The following GBP4 variants were observed in gnomAD, a reference collection of about 807,000 sequenced individuals.
GBP4 encodes guanylate-binding protein 4.
A neutral mutation model predicts 62.2 loss-of-function variants in GBP4; 69 were observed. The observed-to-expected ratio is 1.11, with a 90% confidence interval of 0.91 to 1.36. The LOEUF (loss-of-function observed/expected upper bound fraction) is 1.36. Ranked by LOEUF, GBP4 falls within the 40% of genes most tolerant of loss-of-function variation. The probability of loss-of-function intolerance (pLI) is 0.00; values close to 1 mark genes in which losing one functional copy is unlikely to be tolerated. For missense variants in GBP4, 697 were observed against 759.3 expected (o/e 0.92, Z 0.96); for synonymous variants, 278 against 274.6 (o/e 1.01, Z -0.12).
chr1:89,186,175 G>A (rs1050670393), intron 10 of GBP4, among the ~76,000 whole-genome samples, 158 bp downstream of exon 10: 3 of 152,114 alleles, frequency 2.0e-5, no homozygotes, highest in African/African-American at 7.2e-5. Flanking sequence ...TAGACTTTCG[G>A]GCTTCAGTAG....
At chr1:89,188,882 G>A in intron 7 of GBP4, 88 bp from the exon 8 acceptor site, 3 of 1,352,486 alleles carry the variant, frequency 2.2e-6, no homozygotes, top group Non-Finnish European at 3.2e-6. Flanking sequence ...GTAGTCTGAA[G>A]GCCTCAGAGT....
intron 1 of GBP4, among the ~76,000 whole-genome samples, chr1:89,198,208 C>A (rs904269639): frequency 5.3e-5 from 8 of 152,106 alleles, no homozygotes; most frequent in African/African-American, 1.9e-4. Flanking sequence ...GTGCTGTTAA[C>A]CGGGCGAATT....
In GBP4 at chr1:89,197,311, C is replaced by T. The variant is rs186946544; in HGVS notation, c.41-7G>A. 37 of 1,608,414 alleles carry T rather than the reference C, an allele frequency of 2.3e-5. No individual in the cohort carries two copies. The East Asian group carries it at 6.5e-4, about 28-fold the overall frequency. The stretch of plus-strand genomic sequence containing the variant: ...GATTCAGATTCTGGATAACCTGTAA[C>T]CCAGAAAAAAATACTCAGTAGAATA... On this transcript the variant is annotated splice_polypyrimidine_tract_variant and splice_region_variant and intron_variant, in intron 1 of 10. Coordinates refer to ENST00000355754, the MANE Select transcript of GBP4 (RefSeq NM_052941.5).
At position 89,181,686 on chromosome 1, in the gene GBP4, AAT is replaced by A. The variant is rs1228723219; in HGVS notation, c.*3566_*3567del. 1.3e-5 allele frequency: 2 copies of A among 152,184 alleles called. No homozygotes were observed. Among genetic ancestry groups the A allele is most frequent in the African/African-American group, 4.8e-5 (2 of 41,434 alleles). The allele number at this position is 152,184 out of a possible 1,614,324, so 9.4% of individuals were successfully genotyped here. A position where few individuals can be genotyped will look rare whatever the true frequency, so the allele number is the denominator to read the frequency against. ...TTCCAACAGATCACTCTCACTAGCC[AAT>A]ATGAGACACAGTCAGTTTCCCTAAC... On this transcript the variant is annotated 3_prime_UTR_variant, in exon 11 of 11. Coordinates refer to ENST00000355754, the MANE Select transcript of GBP4 (RefSeq NM_052941.5).
intron 5 of GBP4, among the ~76,000 whole-genome samples, chr1:89,192,550 A>C (rs1373261835): frequency 6.6e-6 from 1 of 152,220 alleles, no homozygotes; most frequent in Non-Finnish European, 1.5e-5. Context: ...ATTTCTCCAA[A>C]TAGAATAGGA....
rs961168136 is a variant in GBP4 at position 89,188,689 on chromosome 1, T to C, written c.1303A>G (p.Ser435Gly). ...LKRLSEHLTESILRGIFSVPG... is the reference protein window; with the variant it reads ...LKRLSEHLTEGILRGIFSVPG... ...ACAGAGAAAATTCCTCTCAAAATGC[T>C]TTCTGTCAGGTGCTCTGAAAGCCGC... Residue 435 changes from serine (S) to glycine (G), a missense_variant, in exon 8 of 11, where the codon AGC becomes GGC. Around this residue, in one of 2 missense-constraint regions of GBP4, gnomAD observed 556 missense variants for 562.7 expected, o/e 0.99. Transcript: ENST00000355754. 1.2e-6 allele frequency: 2 copies of C among 1,614,126 alleles called. No individual in the cohort carries two copies. Among genetic ancestry groups the C allele is most frequent in the Admixed American group, 3.3e-5 (2 of 60,012 alleles).
chr1:89,193,499 G>T (rs1648245372), intron 3 of GBP4, 87 bp from the exon 4 acceptor site: 1 of 1,173,142 alleles, frequency 8.5e-7, no homozygotes, highest in Non-Finnish European at 1.3e-6. Context: ...TATTTCAGCT[G>T]TATGATAGTT....
Position 89,190,181 on chromosome 1 carries a change from G to C in GBP4, c.1054C>G (p.Gln352Glu), listed in dbSNP as rs1238545147. Residue 352 changes from glutamine (Q) to glutamate (E), a missense_variant, in exon 7 of 11, where the codon CAG (glutamine) becomes GAG (glutamate). By Grantham distance (29) the Gln-to-Glu change is conservative. Transcript: ENST00000355754. ...VQRAADHYSQQMAQQLRLPTD... is the reference protein window; with the variant it reads ...VQRAADHYSQEMAQQLRLPTD... ...GGGAGCCTCAGTTGCTGGGCCATCT[G>C]CTGGCTATAGTGGTCGGCTGCCCTC... 6.2e-7 allele frequency: 1 copy of C among 1,614,052 alleles called. No individual in the cohort carries two copies. The highest frequency in any genetic ancestry group is 1.7e-5 in the Admixed American group (1 of 60,008).
chr1:89,186,951 A>C (rs756834313), intron 9 of GBP4, 49 bp downstream of exon 9: 2 of 1,524,678 alleles, frequency 1.3e-6, no homozygotes, highest in Admixed American at 1.7e-5. Context: ...GCAAGAAGGC[A>C]TTGCAGGAAA....
chr1:89,191,605 G>T, intron 5 of GBP4, 99 bp from the exon 6 acceptor site: 1 of 1,203,470 alleles, frequency 8.3e-7, no homozygotes, highest in Non-Finnish European at 1.2e-6. Flanking sequence ...CAGCTCCCCT[G>T]CCTTGTAAAT....
Position 89,195,707 on chromosome 1 carries a change from G to A in GBP4, c.236-283C>T, listed in dbSNP as rs189299619. On this transcript the variant is annotated intron_variant, in intron 2 of 10. Coordinates refer to ENST00000355754, the MANE Select transcript of GBP4 (RefSeq NM_052941.5). Reference sequence around the variant, plus strand: ...CATTAGGGGGAAGAAATGGCTGCATGGTCTTTCTTTAAAAACAGAAGCACC... The same window carrying A: ...CATTAGGGGGAAGAAATGGCTGCATAGTCTTTCTTTAAAAACAGAAGCACC... 7.2e-5 allele frequency among the ~76,000 whole-genome samples: 11 copies of A among 152,174 alleles called. No homozygotes were observed. In the East Asian group the frequency reaches 2.1e-3, roughly 29 times the overall value.
chr1:89,188,752 C>T lies in GBP4; in HGVS notation c.1240G>A (p.Glu414Lys). ...KKKGDFVLQN[E>K]EASAKYCQAE... ...TGGCAATATTTGGCAGATGCCTCTT[C>T]ATTCTGCAGCACAAAGTCTCCCTTC... The change falls in exon 8 of 11, where the codon GAA becomes AAA. Residue 414 changes from glutamate to lysine, a missense_variant. Glu to Lys is a moderately conservative substitution (Grantham distance 56). This residue lies in a region of GBP4 where 556 missense variants were observed against 562.7 expected (regional missense o/e 0.99). Transcript: ENST00000355754. 1 of 1,614,270 alleles carries T rather than the reference C, an allele frequency of 6.2e-7. No homozygotes were observed. Among genetic ancestry groups the T allele is most frequent in the Non-Finnish European group, 8.5e-7 (1 of 1,180,050 alleles).
At chr1:89,196,296 GA>G (rs1284255580) in intron 2 of GBP4, among the ~76,000 whole-genome samples, 1 of 152,146 alleles carries the variant, frequency 6.6e-6, no homozygotes, top group African/African-American at 2.4e-5. Flanking sequence ...TTGAGCAAAA[GA>G]AGCAAGACAT....
chr1:89,195,250 T>G (rs1299786393), intron 3 of GBP4, 47 bp downstream of exon 3: 2 of 1,597,548 alleles, frequency 1.3e-6, no homozygotes, highest in South Asian at 2.2e-5. Flanking sequence ...CTGAAAAAAT[T>G]AAAAGATGAG....
chr1:89,184,280 G>A lies in GBP4; in HGVS notation c.*974C>T, dbSNP rs1186987585. ...TTAGTTTAGCCACTGTGGAAAGCAGGTTGGTGATTCCTCAAAGAACTCAGA... is the reference window on the plus strand; with the variant it reads ...TTAGTTTAGCCACTGTGGAAAGCAGATTGGTGATTCCTCAAAGAACTCAGA... On this transcript the variant is annotated 3_prime_UTR_variant, in exon 11 of 11. Transcript: ENST00000355754. 1 of 152,120 alleles carries A rather than the reference G, an allele frequency of 6.6e-6. No individual in the cohort carries two copies. The highest frequency in any genetic ancestry group is 1.5e-5 in the Non-Finnish European group (1 of 68,016). The allele number at this position is 152,120 out of a possible 1,614,324, so 9.4% of individuals were successfully genotyped here.
intron 2 of GBP4, 132 bp downstream of exon 2, chr1:89,196,978 A>T: frequency 1.7e-6 from 1 of 601,398 alleles, no homozygotes; most frequent in Non-Finnish European, 2.8e-6. Context: ...TTGTAAATTT[A>T]GTGGTGAGAA....
At chr1:89,194,622 T>A (rs888521901) in intron 3 of GBP4, among the ~76,000 whole-genome samples, 5 of 152,150 alleles carry the variant, frequency 3.3e-5, no homozygotes, top group African/African-American at 1.2e-4. Context: ...AATGGACTGA[T>A]CGCACCTAAC....
Position 89,185,215 on chromosome 1 carries a change from A to T in GBP4, c.*39T>A. The T allele has an allele frequency of 6.0e-6, 7 of 1,165,358 alleles. No homozygotes were observed. The highest frequency in any genetic ancestry group is 7.7e-6 in the Non-Finnish European group (6 of 778,946). 72.2% of individuals were successfully genotyped at this position (1,165,358 alleles called of 1,614,324 possible). On this transcript the variant is annotated 3_prime_UTR_variant, in exon 11 of 11. Transcript: ENST00000355754. ...GTGTTATGTTATTAAAATAAAATAA[A>T]CCTCATTTTATATTTTCTTACCTGG...
chr1:89,191,892 T>C (rs1215854712), intron 5 of GBP4, among the ~76,000 whole-genome samples: 1 of 152,180 alleles, frequency 6.6e-6, no homozygotes, highest in Non-Finnish European at 1.5e-5. Flanking sequence ...ACATGGGCCC[T>C]AAATTAAAGC....
Sources: gnomAD v4.1 joint callset for allele counts (sites outside exome capture counted in the v4.1 genomes callset) on GRCh38, gnomAD v4.1.1 for gene constraint, gnomAD v4.1.1 regional missense constraint, MANE v1.5 for transcripts, NCBI Gene and HGNC (gene_info 2026-07-23, HGNC 2026-07-21) for gene names.